MARCHF1: variants seen among roughly 807,000 people sequenced by gnomAD.
MARCHF1 encodes the protein E3 ubiquitin-protein ligase MARCHF1.
MARCHF1 carries 40 observed loss-of-function variants against 54.2 expected under a neutral mutation model. The observed-to-expected ratio is 0.74, with a 90% CI of 0.57 to 0.96. MARCHF1 has a LOEUF of 0.96. Among genes scored for constraint, MARCHF1 ranks in the 40% least tolerant of loss-of-function variants. The pLI is 0.00. For missense variants in MARCHF1, 586 were observed against 656.5 expected, an observed-to-expected ratio of 0.89 and a Z score of 1.17; for synonymous variants, 236 against 236.3, an observed-to-expected ratio of 1.00 and a Z score of 0.01.
chr4:164,061,611 GC>G (rs938089631), intron 2 of MARCHF1, among the ~76,000 whole-genome samples: 74 of 150,914 alleles, frequency 4.9e-4, no homozygotes, highest in African/African-American at 1.7e-3. Context: ...CAGCACACCA[GC>G]ATGGCACATG....
chr4:164,047,516 G>A lies in MARCHF1; in HGVS notation c.-247-58807C>T, dbSNP rs147635778. Among the ~76,000 whole-genome samples, 1,070 of 152,322 alleles carry A rather than the reference G, an allele frequency of 7.0e-3. 14 individuals are homozygous for A. The highest frequency in any genetic ancestry group is 0.024 in the African/African-American group (1,018 of 41,580). ...AATTTGTGGTAATTTAATAGAAACA[G>A]AAAGCCAACGCAGTGACCTTCTGTA... is the stretch of plus-strand genomic sequence containing the variant. On this transcript the variant is annotated intron_variant, in intron 2 of 9. Transcript: ENST00000514618.
chr4:163,839,023 G>C (rs144555790), intron 4 of MARCHF1, among the ~76,000 whole-genome samples: 254 of 152,108 alleles, frequency 1.7e-3, no homozygotes, highest in African/African-American at 6.1e-3. Context: ...GGACTTGTAT[G>C]CAGAATACAA....
At chr4:163,875,492 C>G (rs752169669) in intron 3 of MARCHF1, among the ~76,000 whole-genome samples, 1 of 151,944 alleles carries the variant, frequency 6.6e-6, no homozygotes, top group Non-Finnish European at 1.5e-5. Context: ...ATTACATTCC[C>G]TGCCACAACA....
At chr4:164,193,464 G>A (rs1731176301) in intron 1 of MARCHF1, among the ~76,000 whole-genome samples, 1 of 151,964 alleles carries the variant, frequency 6.6e-6, no homozygotes, top group African/African-American at 2.4e-5. Context: ...CTCACTTTTG[G>A]TTTTGTCTAT....
intron 1 of MARCHF1, among the ~76,000 whole-genome samples, chr4:164,382,637 C>T (rs1288286226): frequency 2.0e-5 from 3 of 152,172 alleles, no homozygotes; most frequent in Admixed American, 2.0e-4. Context: ...TTTGTAAACA[C>T]ATTGACATTA....
chr4:163,635,132 A>G lies in MARCHF1; in HGVS notation c.163-21739T>C, dbSNP rs1369785307. On this transcript the variant is annotated intron_variant, in intron 5 of 9. Coordinates refer to ENST00000514618, the MANE Select transcript of MARCHF1 (RefSeq NM_001394959.1). ...GGGAAATTTATAGCACTAAATGCCCACAAGAGAAAGCAGGAAAGATCCAAA... is the reference window on the plus strand; with the variant it reads ...GGGAAATTTATAGCACTAAATGCCCGCAAGAGAAAGCAGGAAAGATCCAAA... Among the ~76,000 whole-genome samples the G allele has an allele frequency of 2.7e-5, 2 of 72,842 alleles. 1 individual carries two copies. Among genetic ancestry groups the G allele is most frequent in the Non-Finnish European group, 4.7e-5 (2 of 42,484 alleles). 47.8% of individuals were successfully genotyped at this position (72,842 alleles called of 152,430 possible).
chr4:163,725,090 C>T (rs12331988), intron 4 of MARCHF1, among the ~76,000 whole-genome samples: 3,775 of 152,182 alleles, frequency 0.025, 159 homozygotes, highest in African/African-American at 0.085. Context: ...CACCCGTCTG[C>T]GTCGCTCACG....
At chr4:163,723,127 C>T (rs1038914288) in intron 4 of MARCHF1, among the ~76,000 whole-genome samples, 1 of 152,188 alleles carries the variant, frequency 6.6e-6, no homozygotes, top group African/African-American at 2.4e-5. Flanking sequence ...CCTCAGTGGT[C>T]TTTACAGTTT....
At chr4:163,915,250 A>C (rs1406627970) in intron 3 of MARCHF1, among the ~76,000 whole-genome samples, 1 of 152,164 alleles carries the variant, frequency 6.6e-6, no homozygotes, top group Non-Finnish European at 1.5e-5. Context: ...AAAGAAAAAA[A>C]TTCTCTCTTA....
intron 3 of MARCHF1, among the ~76,000 whole-genome samples, chr4:163,984,269 A>G (rs533963443): frequency 7.5e-4 from 115 of 152,324 alleles, no homozygotes; most frequent in African/African-American, 2.6e-3. Context: ...GTAGAGAAAT[A>G]TTACAAAATA....
At chr4:164,050,868 G>T (rs1030761791) in intron 2 of MARCHF1, among the ~76,000 whole-genome samples, 1 of 152,122 alleles carries the variant, frequency 6.6e-6, no homozygotes, top group African/African-American at 2.4e-5. Context: ...AGGAGGCGGA[G>T]GTTGCGGTGA....
At chr4:164,019,312 C>T (rs1016714375) in intron 2 of MARCHF1, among the ~76,000 whole-genome samples, 1 of 152,192 alleles carries the variant, frequency 6.6e-6, no homozygotes, top group South Asian at 2.1e-4. Context: ...TAATTATTCA[C>T]TAAGTGTCTC....
chr4:163,664,806 A>G (rs193152368), intron 5 of MARCHF1, among the ~76,000 whole-genome samples: 57 of 152,232 alleles, frequency 3.7e-4, no homozygotes, highest in Admixed American at 3.2e-3. Flanking sequence ...CAATAAAGAC[A>G]TTCTATCAGC....
At chr4:163,995,137 C>A (rs1341905479) in intron 2 of MARCHF1, among the ~76,000 whole-genome samples, 1 of 152,036 alleles carries the variant, frequency 6.6e-6, no homozygotes, top group Non-Finnish European at 1.5e-5. Context: ...CAAGTCCAGA[C>A]TTCTGGAACT....
chr4:163,667,565 ATC>A (rs2111118380), intron 5 of MARCHF1, among the ~76,000 whole-genome samples: 1 of 151,970 alleles, frequency 6.6e-6, no homozygotes. Flanking sequence ...TCCAGGGGAG[ATC>A]TCTGTCAGTT....
chr4:164,108,809 A>C lies in MARCHF1; in HGVS notation c.-248+2779T>G, dbSNP rs539869370. ...TGCTAATTTAAAATACAAGAAAAAT[A>C]GTCTCTTTTTATAGGTATTACCTTA... On this transcript the variant is annotated intron_variant, in intron 2 of 9. Transcript: ENST00000514618. Among the ~76,000 whole-genome samples the C allele has an allele frequency of 1.1e-4, 16 of 152,246 alleles. 1 individual carries two copies. Among genetic ancestry groups the C allele is most frequent in the African/African-American group, 3.8e-4 (16 of 41,578 alleles).
chr4:164,111,200 C>G (rs1283010495), intron 2 of MARCHF1, among the ~76,000 whole-genome samples: 1 of 151,678 alleles, frequency 6.6e-6, no homozygotes, highest in African/African-American at 2.4e-5. Flanking sequence ...CCATATTTAG[C>G]TACCTTCATA....
intron 2 of MARCHF1, among the ~76,000 whole-genome samples, chr4:164,108,162 C>A (rs1214391170): frequency 6.6e-6 from 1 of 152,044 alleles, no homozygotes; most frequent in East Asian, 1.9e-4. Context: ...GGAATCAAGA[C>A]CTTTCGTGGC....
chr4:164,205,190 A>G (rs921634006), intron 1 of MARCHF1, among the ~76,000 whole-genome samples: 2 of 152,194 alleles, frequency 1.3e-5, no homozygotes, highest in African/African-American at 4.8e-5. Context: ...AGTAATTGAC[A>G]GAAAAGAAAA....
Sources: gnomAD v4.1 joint callset for allele counts (sites outside exome capture counted in the v4.1 genomes callset) on GRCh38, gnomAD v4.1.1 for gene constraint, MANE v1.5 for transcripts, NCBI Gene and HGNC (gene_info 2026-07-23, HGNC 2026-07-21) for gene names.